The following OTUD7A variants were observed in gnomAD, a reference collection of about 807,000 sequenced individuals.
OTUD7A encodes OTU domain-containing protein 7A.
In OTUD7A, 12 loss-of-function variants were observed where a neutral mutation model predicts 65.7. That is an observed-to-expected ratio of 0.18 (90% CI 0.12 to 0.30). OTUD7A has a LOEUF of 0.30. OTUD7A is among the 10% of genes least tolerant of loss of function. The pLI is 1.00. For synonymous variants in OTUD7A, 641 were observed against 586.3 expected (o/e 1.09, Z -1.35); for missense variants, 1,148 against 1,304.8 (o/e 0.88, Z 1.85).
Position 31,483,355 on chromosome 15 carries a change from C to A in OTUD7A, c.2741G>T (p.Cys914Phe). The change falls in exon 13 of 13, where the codon TGC becomes TTC. Residue 914 changes from cysteine (C) to phenylalanine (F), a missense_variant. Cys to Phe is a radical substitution (Grantham distance 205). This residue lies in a region of OTUD7A where 842 missense variants were observed against 769.5 expected (regional missense o/e 1.09). Coordinates refer to ENST00000307050, the MANE Select transcript of OTUD7A (RefSeq NM_001382637.1). The part of the protein sequence containing the change: ...FYGRAETEHY[C>F]SYCYREELRR... ...CAGCTCCTCGCGGTAGCAGTAGGAG[C>A]AGTAGTGCTCGGTCTCGGCGCGCCC... 7.8e-7 allele frequency: 1 copy of A among 1,285,960 alleles called. No individual in the cohort carries two copies. Among genetic ancestry groups the A allele is most frequent in the African/African-American group, 1.6e-5 (1 of 63,414 alleles). The allele number at this position is 1,285,960 out of a possible 1,614,324, so 79.7% of individuals were successfully genotyped here.
At chr15:31,827,718 G>A (rs1433831351) in intron 1 of OTUD7A, among the ~76,000 whole-genome samples, 1 of 152,170 alleles carries the variant, frequency 6.6e-6, no homozygotes, top group Non-Finnish European at 1.5e-5. Flanking sequence ...CTTGAGGCGA[G>A]GAGTTTGGGA....
At chr15:31,840,558 C>T (rs1264322436) in intron 1 of OTUD7A, among the ~76,000 whole-genome samples, 1 of 152,204 alleles carries the variant, frequency 6.6e-6, no homozygotes, top group African/African-American at 2.4e-5. Flanking sequence ...TAGAGGTTAT[C>T]AAGCGTCCTT....
chr15:31,752,310 A>G (rs1894659520), intron 1 of OTUD7A, among the ~76,000 whole-genome samples: 1 of 152,224 alleles, frequency 6.6e-6, no homozygotes, highest in African/African-American at 2.4e-5. Context: ...TGGATGACGT[A>G]TATGAGGAAA....
intron 1 of OTUD7A, among the ~76,000 whole-genome samples, chr15:31,657,486 T>A (rs1892026936): frequency 6.6e-6 from 1 of 150,622 alleles, no homozygotes; most frequent in African/African-American, 2.4e-5. Flanking sequence ...GCCTCCTGAG[T>A]AGCTGGGAGT....
At chr15:31,503,234 C>T (rs2041499763) in intron 9 of OTUD7A, among the ~76,000 whole-genome samples, 1 of 152,254 alleles carries the variant, frequency 6.6e-6, no homozygotes. Context: ...GCCTCTTTCT[C>T]TGCCAGTTCT....
intron 1 of OTUD7A, among the ~76,000 whole-genome samples, chr15:31,780,778 A>C (rs1171412342): frequency 6.6e-6 from 1 of 152,238 alleles, no homozygotes; most frequent in East Asian, 1.9e-4. Context: ...CTTGCCAAGT[A>C]CATCTCTATA....
intron 1 of OTUD7A, among the ~76,000 whole-genome samples, chr15:31,730,088 G>C (rs939503321): frequency 1.3e-5 from 2 of 152,102 alleles, no homozygotes; most frequent in Non-Finnish European, 2.9e-5. Flanking sequence ...AATGGAATTC[G>C]TGCCCTGTTA....
chr15:31,497,954 G>C (rs1299181992), intron 10 of OTUD7A, among the ~76,000 whole-genome samples: 1 of 152,190 alleles, frequency 6.6e-6, no homozygotes, highest in African/African-American at 2.4e-5. Context: ...CATGAAGGTG[G>C]GGTGCAGACC....
chr15:31,548,993 A>G (rs914808907), intron 5 of OTUD7A, among the ~76,000 whole-genome samples: 4 of 152,170 alleles, frequency 2.6e-5, no homozygotes, highest in Non-Finnish European at 5.9e-5. Context: ...AAAATTAGCC[A>G]GGTATGGTGG....
chr15:31,508,632 G>C (rs1433776119), intron 8 of OTUD7A, among the ~76,000 whole-genome samples: 2 of 152,374 alleles, frequency 1.3e-5, no homozygotes, highest in East Asian at 1.9e-4. Flanking sequence ...GATTACAGGC[G>C]TGAGGCACTG....
In OTUD7A at chr15:31,697,782, C is replaced by T. The variant is rs570131159; in HGVS notation, c.-99-40705G>A. Among the ~76,000 whole-genome samples the T allele has an allele frequency of 4.0e-4, 61 of 152,362 alleles. 1 individual carries two copies. Among genetic ancestry groups the T allele is most frequent in the Non-Finnish European group, 7.3e-4 (50 of 68,038 alleles). ...GTGAGACAACCTGCCCAGGGTCACA[C>T]AACCAGTCACCTGCAACCTGAACAG... On this transcript the variant is annotated intron_variant, in intron 1 of 12. Transcript: ENST00000307050.
intron 1 of OTUD7A, among the ~76,000 whole-genome samples, chr15:31,753,708 A>ATTT (rs1894718240): frequency 9.1e-6 from 1 of 110,486 alleles, no homozygotes; most frequent in African/African-American, 5.0e-5. Flanking sequence ...TATATTATAT[A>ATTT]TATATATATA....
intron 1 of OTUD7A, among the ~76,000 whole-genome samples, chr15:31,699,812 G>A (rs1284666356): frequency 3.3e-5 from 5 of 151,954 alleles, no homozygotes; most frequent in African/African-American, 1.2e-4. Context: ...TGTGAGCACT[G>A]TCCTTCTGGG....
At chr15:31,723,424 T>C (rs1410983901) in intron 1 of OTUD7A, among the ~76,000 whole-genome samples, 3 of 88,450 alleles carry the variant, frequency 3.4e-5, no homozygotes, top group Admixed American at 1.6e-4. Context: ...CGTTTGCCCA[T>C]GAAATTTGGC....
At chr15:31,800,869 C>T (rs1896103347) in intron 1 of OTUD7A, among the ~76,000 whole-genome samples, 1 of 152,090 alleles carries the variant, frequency 6.6e-6, no homozygotes, top group African/African-American at 2.4e-5. Flanking sequence ...CGTCTACAAA[C>T]AGGTCCCCCT....
intron 3 of OTUD7A, among the ~76,000 whole-genome samples, chr15:31,571,871 G>C (rs930248175): frequency 3.3e-5 from 5 of 152,164 alleles, no homozygotes; most frequent in Admixed American, 2.6e-4. Context: ...TGGGAGGGCA[G>C]TAGAAGCCTA....
intron 10 of OTUD7A, among the ~76,000 whole-genome samples, chr15:31,500,106 G>C (rs2041445438): frequency 6.6e-6 from 1 of 152,206 alleles, no homozygotes; most frequent in African/African-American, 2.4e-5. Flanking sequence ...GAATCTCCCT[G>C]GGGACTGGAC....
At chr15:31,588,017 G>A (rs1889600948) in intron 3 of OTUD7A, among the ~76,000 whole-genome samples, 1 of 151,958 alleles carries the variant, frequency 6.6e-6, no homozygotes, top group Non-Finnish European at 1.5e-5. Context: ...AATCCCACTT[G>A]TTGGTATAAT....
At chr15:31,697,410 CT>C (rs1878368467) in intron 1 of OTUD7A, among the ~76,000 whole-genome samples, 2 of 143,496 alleles carry the variant, frequency 1.4e-5, no homozygotes, top group East Asian at 4.0e-4. Context: ...CGCATGCTGT[CT>C]GCTGAATCTT....
Sources: allele counts gnomAD v4.1 joint callset (sites outside exome capture counted in the v4.1 genomes callset), GRCh38; gene constraint gnomAD v4.1.1; regional missense constraint gnomAD v4.1.1; transcripts MANE v1.5; gene names NCBI Gene and HGNC (gene_info 2026-07-23, HGNC 2026-07-21).